Variants in DGCR2 observed in about 807,000 individuals in gnomAD.
DGCR2 encodes the protein integral membrane protein DGCR2/IDD.
A neutral mutation model predicts 51.6 loss-of-function variants in DGCR2; 24 were observed. That is an observed-to-expected ratio of 0.47 (90% CI 0.34 to 0.65). The LOEUF (loss-of-function observed/expected upper bound fraction) is 0.65, where lower values mean the gene tolerates loss of function less well. Ranked by LOEUF, DGCR2 falls within the 30% of genes least tolerant of loss-of-function variation. The pLI is 0.01. For synonymous variants in DGCR2, 340 were observed against 315.4 expected (o/e 1.08, Z -0.82); for missense variants, 765 against 772.1 (o/e 0.99, Z 0.11).
intron 8 of DGCR2, 169 bp from the exon 9 acceptor site, chr22:19,041,463 G>A: frequency 1.5e-6 from 1 of 662,630 alleles, no homozygotes; most frequent in Non-Finnish European, 2.6e-6. Context: ...GACCCCTGGT[G>A]TGCTCCGTGG....
chr22:19,063,205 T>G lies in DGCR2; in HGVS notation c.622A>C (p.Lys208Gln). 1 of 1,614,126 alleles carries G rather than the reference T, an allele frequency of 6.2e-7. No individual in the cohort carries two copies. The highest frequency in any genetic ancestry group is 8.5e-7 in the Non-Finnish European group (1 of 1,179,996). The change falls in exon 5 of 10, where the codon AAA becomes CAA. Residue 208 changes from lysine to glutamine, a missense_variant. By Grantham distance (53) the Lys-to-Gln change is moderately conservative (BLOSUM62 1). Transcript: ENST00000263196. ...SLEGRWEVAF[K>Q]GSSEVFLPPD... ...CCCACACACCAGAAGGGCTCACCTTTGAATGCCACCTCCCAGCGACCTTCC... is the reference window on the plus strand; with the variant it reads ...CCCACACACCAGAAGGGCTCACCTTGGAATGCCACCTCCCAGCGACCTTCC...
rs11550626 is a variant in DGCR2 at position 19,122,251 on chromosome 22, A to G, written c.-45T>C. 623,808 of 1,439,806 alleles carry G rather than the reference A, an allele frequency of 0.43. 137,475 individuals carry two copies. Among genetic ancestry groups the G allele is most frequent in the African/African-American group, 0.59 (39,494 of 67,440 alleles). The allele number at this position is 1,439,806 out of a possible 1,614,324, so 89.2% of individuals were successfully genotyped here. On this transcript the variant is annotated 5_prime_UTR_variant, in exon 1 of 10. Coordinates refer to ENST00000263196, the MANE Select transcript of DGCR2 (RefSeq NM_005137.3). Reference sequence around the variant, plus strand: ...CCCGGGGCGGCTGGAAGGCCGGACCAGGCCGGACTGAGGGTCAGGGGACCG... The same window carrying G: ...CCCGGGGCGGCTGGAAGGCCGGACCGGGCCGGACTGAGGGTCAGGGGACCG...
intron 6 of DGCR2, among the ~76,000 whole-genome samples, chr22:19,050,091 T>C (rs559349926): frequency 1.3e-5 from 2 of 152,218 alleles, no homozygotes; most frequent in African/African-American, 2.4e-5. Flanking sequence ...CTACTCAAAT[T>C]CATTGAAAAA....
chr22:19,064,801 C>T (rs1346698315), intron 4 of DGCR2, 47 bp downstream of exon 4: 9 of 1,568,506 alleles, frequency 5.7e-6, no homozygotes, highest in Non-Finnish European at 7.0e-6. Context: ...GCTCAGTAGT[C>T]ATCAGACTCT....
Position 19,057,261 on chromosome 22 carries a change from A to G in DGCR2, c.626-99T>C. 1 of 1,320,286 alleles carries G rather than the reference A, an allele frequency of 7.6e-7. No individual in the cohort carries two copies. Among genetic ancestry groups the G allele is most frequent in the Non-Finnish European group, 1.0e-6 (1 of 978,334 alleles). The allele number at this position is 1,320,286 out of a possible 1,614,324, so 81.8% of individuals were successfully genotyped here. A position where few individuals can be genotyped will look rare whatever the true frequency, so the allele number is the denominator to read the frequency against. On this transcript the variant is annotated intron_variant, in intron 5 of 9. Coordinates refer to ENST00000263196, the MANE Select transcript of DGCR2 (RefSeq NM_005137.3). The surrounding 1 kb of genome is among the most constrained non-coding windows in gnomAD (Gnocchi z 5.1). Reference sequence around the variant, plus strand: ...ATGGCGTCAGACAGGATCATCAACCACAGGGCCTGGACCGCCAAGTACTGG... The same window carrying G: ...ATGGCGTCAGACAGGATCATCAACCGCAGGGCCTGGACCGCCAAGTACTGG...
chr22:19,079,796 T>TA (rs1026115535), intron 2 of DGCR2, among the ~76,000 whole-genome samples: 2 of 152,248 alleles, frequency 1.3e-5, no homozygotes, highest in African/African-American at 2.4e-5. Flanking sequence ...CGATATGACA[T>TA]ACAGCAGAGC....
At chr22:19,103,066 A>G (rs1349995935) in intron 1 of DGCR2, among the ~76,000 whole-genome samples, 1 of 152,196 alleles carries the variant, frequency 6.6e-6, no homozygotes, top group East Asian at 1.9e-4. Flanking sequence ...CAATTTAAAA[A>G]AGAAATGAAA....
At chr22:19,060,353 C>A (rs926669573) in intron 5 of DGCR2, among the ~76,000 whole-genome samples, 2 of 152,134 alleles carry the variant, frequency 1.3e-5, no homozygotes, top group Non-Finnish European at 2.9e-5. Flanking sequence ...AAGGACTGGG[C>A]ACAAGATTTT....
chr22:19,103,416 CTTTTTTTTTTTTTTTTTTTT>C (rs55877455), intron 1 of DGCR2, among the ~76,000 whole-genome samples: 5 of 67,734 alleles, frequency 7.4e-5, no homozygotes, highest in East Asian at 1.0e-3. Flanking sequence ...AAAAAAAGTT[CTTTTTTTTTTTTTTTTTTTT>C]TTTTTTTTTT....
intron 1 of DGCR2, among the ~76,000 whole-genome samples, chr22:19,115,931 A>C (rs997526821): frequency 6.6e-6 from 1 of 152,234 alleles, no homozygotes; most frequent in African/African-American, 2.4e-5. Context: ...CCTGAACTCT[A>C]TCTGTGATTA....
rs953121733 is a variant in DGCR2 at position 19,044,257 on chromosome 22, A to C, written c.1007-2298T>G. ...CCAGAGGCCAGCCCAGGGGCCCCAG[A>C]GGCCCCTTGATAGGGCTGATCTCTC... is the stretch of plus-strand genomic sequence containing the variant. On this transcript the variant is annotated intron_variant, in intron 7 of 9. Transcript: ENST00000263196. 2.0e-5 allele frequency among the ~76,000 whole-genome samples: 3 copies of C among 152,018 alleles called. No individual in the cohort carries two copies. In the East Asian group the frequency reaches 6.0e-4, roughly 30 times the overall value.
intron 1 of DGCR2, among the ~76,000 whole-genome samples, chr22:19,116,463 A>AT (rs1569093076): frequency 1.3e-5 from 2 of 152,218 alleles, no homozygotes; most frequent in Non-Finnish European, 2.9e-5. Flanking sequence ...CAGCTATCAC[A>AT]TAATAACCAT....
intron 1 of DGCR2, among the ~76,000 whole-genome samples, chr22:19,115,834 T>C (rs807742): frequency 0.32 from 48,482 of 152,096 alleles, 8,715 homozygotes; most frequent in African/African-American, 0.49. Context: ...AGAGCCACTG[T>C]ACTCTGCCAC....
chr22:19,071,914 G>A (rs1417083513), intron 2 of DGCR2, among the ~76,000 whole-genome samples: 1 of 152,162 alleles, frequency 6.6e-6, no homozygotes, highest in Admixed American at 6.5e-5. Flanking sequence ...AGCAACTGCG[G>A]CAGGTGAACC....
At chr22:19,055,677 A>G (rs1031296731) in intron 6 of DGCR2, 13 of 152,242 alleles carry the variant, frequency 8.5e-5, no homozygotes, top group Admixed American at 7.2e-4. Flanking sequence ...ATTCACATAG[A>G]AAAGGGTCAA....
chr22:19,122,375 C>G lies in DGCR2; in HGVS notation c.-169G>C. On this transcript the variant is annotated 5_prime_UTR_variant, in exon 1 of 10. Coordinates refer to ENST00000263196, the MANE Select transcript of DGCR2 (RefSeq NM_005137.3). ...GCCGCGGGCTGGCGCACACTCTCGG[C>G]TGCAACCTCAGGCACCGACTCCAGC... 6.1e-6 allele frequency: 3 copies of G among 495,188 alleles called. No individual in the cohort carries two copies. Among genetic ancestry groups the G allele is most frequent in the East Asian group, 3.7e-5 (1 of 27,064 alleles). 30.7% of individuals were successfully genotyped at this position (495,188 alleles called of 1,614,324 possible).
chr22:19,062,802 C>CTCTCTCTA, intron 5 of DGCR2, among the ~76,000 whole-genome samples: 1 of 148,660 alleles, frequency 6.7e-6, no homozygotes, highest in East Asian at 2.1e-4. Context: ...CTCTCTCTCT[C>CTCTCTCTA]TCTCTATCTG....
rs572209419 is a variant in DGCR2, at chr22:19,048,576, G to A, written c.870C>T (p.Asp290=). The A allele has an allele frequency of 1.5e-5, 25 of 1,614,214 alleles. No individual in the cohort carries two copies. The highest frequency in any genetic ancestry group is 2.7e-5 in the African/African-American group (2 of 75,060). ...DEGFYFTPKG[D]DPCLSCTCHG... ...GGCAGGTGCAGCTCAGGCATGGGTC[G>A]TCCCCCTTAGGGGTGAAGTAGAACC... Residue 290 remains aspartate (D), a synonymous_variant, in exon 7 of 10, where the codon GAC becomes GAT. Coordinates refer to ENST00000263196, the MANE Select transcript of DGCR2 (RefSeq NM_005137.3).
intron 6 of DGCR2, chr22:19,056,514 AC>A: frequency 2.1e-6 from 1 of 471,954 alleles, no homozygotes; most frequent in Non-Finnish European, 3.9e-6. Flanking sequence ...AGCTCCTGAG[AC>A]CCCTGTCCCC....
Sources: allele counts gnomAD v4.1 joint callset (sites outside exome capture counted in the v4.1 genomes callset), GRCh38; gene constraint gnomAD v4.1.1; non-coding constraint Gnocchi (gnomAD v3.1); transcripts MANE v1.5; gene names NCBI Gene and HGNC (gene_info 2026-07-23, HGNC 2026-07-21).